The following MAGEC3 variants were observed in gnomAD, a reference collection of about 807,000 sequenced individuals.
The protein encoded by MAGEC3 is MAGE family member C3, also known as melanoma-associated antigen C3.
A neutral mutation model predicts 35.3 loss-of-function variants in MAGEC3; 34 were observed. The ratio of observed to expected loss-of-function variants is 0.96; its 90% CI spans 0.73 to 1.28. The LOEUF (loss-of-function observed/expected upper bound fraction) is 1.28, where lower values mean the gene tolerates loss of function less well. Among genes scored for constraint, MAGEC3 ranks in the 50% most tolerant of loss-of-function variants. The pLI, the probability that MAGEC3 is intolerant of heterozygous loss-of-function variation, is 0.00. For synonymous variants in MAGEC3, 202 were observed against 185.6 expected, an observed-to-expected ratio of 1.09 and a Z score of -0.72; for missense variants, 561 against 483.6, an observed-to-expected ratio of 1.16 and a Z score of -1.50.
At chrX:141,843,310 C>G (rs145472194) in intron 1 of MAGEC3, among the ~76,000 whole-genome samples, 2,828 of 111,419 alleles carry the variant, frequency 0.025, 103 homozygotes, top group African/African-American at 0.087. Context: ...GTAAGGCCAT[C>G]AACCTGTGTT....
At chrX:141,860,522 C>T (rs2017808766) in intron 1 of MAGEC3, among the ~76,000 whole-genome samples, 1 of 111,303 alleles carries the variant, frequency 9.0e-6, no homozygotes, top group Non-Finnish European at 1.9e-5. Flanking sequence ...ACATTATTTC[C>T]CAAAGCAAAA....
At chrX:141,861,947 C>A (rs2047488429) in intron 1 of MAGEC3, among the ~76,000 whole-genome samples, 1 of 111,538 alleles carries the variant, frequency 9.0e-6, no homozygotes, top group African/African-American at 3.3e-5. Context: ...CTATATTACA[C>A]TAAAAAGTTT....
At chrX:141,896,625 T>C (rs1355377498) in intron 6 of MAGEC3, 1 of 1,199,018 alleles carries the variant, frequency 8.3e-7, no homozygotes, top group Non-Finnish European at 1.1e-6. Flanking sequence ...CTCACACGTT[T>C]ACCTGCTGCT....
chrX:141,864,316 CAAAA>C (rs3972654), intron 1 of MAGEC3, among the ~76,000 whole-genome samples: 17 of 32,296 alleles, frequency 5.3e-4, no homozygotes, highest in African/African-American at 1.3e-3. Flanking sequence ...CTCATCTCTA[CAAAA>C]AAAAAAAAAA....
intron 4 of MAGEC3, among the ~76,000 whole-genome samples, chrX:141,887,660 C>T (rs181313877): frequency 2.0e-3 from 229 of 112,095 alleles, no homozygotes; most frequent in African/African-American, 7.0e-3. Flanking sequence ...GAGTGAGGTT[C>T]AGAAGAGGAG....
intron 2 of MAGEC3, among the ~76,000 whole-genome samples, chrX:141,866,144 T>G (rs956110169): frequency 2.7e-5 from 3 of 111,718 alleles, no homozygotes; most frequent in African/African-American, 9.8e-5. Flanking sequence ...AAGAAAAGAT[T>G]TTTAAAATTG....
chrX:141,872,260 A>T (rs2017893119), intron 2 of MAGEC3, among the ~76,000 whole-genome samples: 1 of 111,317 alleles, frequency 9.0e-6, no homozygotes, highest in Non-Finnish European at 1.9e-5. Context: ...GCCATTTTAC[A>T]GTAGAAAATT....
At chrX:141,892,462 A>T in intron 4 of MAGEC3, among the ~76,000 whole-genome samples, 1 of 111,767 alleles carries the variant, frequency 8.9e-6, no homozygotes, top group East Asian at 2.8e-4. Flanking sequence ...ATGCATTTTA[A>T]TGAGGAAACT....
rs199749115 is a variant in MAGEC3, at chrX:141,896,813, C to T, written c.1124-69C>T. 1.6e-5 allele frequency: 19 copies of T among 1,204,090 alleles called. No individual in the cohort carries two copies. The Admixed American group carries it at 3.5e-4, about 22-fold the overall frequency. On this transcript the variant is annotated intron_variant, in intron 6 of 7. Coordinates refer to ENST00000298296, the MANE Select transcript of MAGEC3 (RefSeq NM_138702.1). ...TCTTTCCACTTTTTATTCCCCTCCT[C>T]CTCTTCCTTGTCCTCATCCTCACCC...
chrX:141,880,950 T>C, intron 3 of MAGEC3: 1 of 622,947 alleles, frequency 1.6e-6, no homozygotes, highest in South Asian at 2.4e-5. Flanking sequence ...TGCTCACACA[T>C]TTACCTCCTG....
intron 1 of MAGEC3, among the ~76,000 whole-genome samples, 154 bp from the exon 2 acceptor site, chrX:141,865,312 ATTTTC>A (rs1419095036): frequency 1.1e-3 from 121 of 110,690 alleles, no homozygotes; most frequent in African/African-American, 3.8e-3. Flanking sequence ...TTTACCTTAT[ATTTTC>A]TTATAAAATT....
At chrX:141,879,560 A>G in intron 3 of MAGEC3, 129 bp downstream of exon 3, 1 of 775,045 alleles carries the variant, frequency 1.3e-6, no homozygotes, top group East Asian at 3.6e-5. Flanking sequence ...GGCCCAGGAG[A>G]TGGGCAGGAA....
intron 4 of MAGEC3, among the ~76,000 whole-genome samples, chrX:141,892,989 C>T (rs2018054132): frequency 8.9e-6 from 1 of 111,930 alleles, no homozygotes; most frequent in African/African-American, 3.3e-5. Flanking sequence ...ACGCTGAAAA[C>T]CCAATCATAA....
chrX:141,894,811 A>G, intron 4 of MAGEC3: 1 of 951,703 alleles, frequency 1.1e-6, no homozygotes, highest in Non-Finnish European at 1.3e-6. Context: ...GTGAAAACGG[A>G]GAGGTGGGCA....
chrX:141,874,836 A>G (rs1211794182), intron 2 of MAGEC3, among the ~76,000 whole-genome samples: 2 of 108,696 alleles, frequency 1.8e-5, no homozygotes, highest in Non-Finnish European at 3.8e-5. Flanking sequence ...AAAAAAGTAG[A>G]TAAAGAAAAC....
chrX:141,872,584 G>T (rs2124107886), intron 2 of MAGEC3, among the ~76,000 whole-genome samples: 1 of 111,566 alleles, frequency 9.0e-6, no homozygotes, highest in South Asian at 3.9e-4. Context: ...AAAGCCAGGA[G>T]AAGGCAAATT....
intron 2 of MAGEC3, among the ~76,000 whole-genome samples, chrX:141,869,627 A>G (rs1460949405): frequency 1.8e-5 from 2 of 112,135 alleles, no homozygotes; most frequent in Non-Finnish European, 3.8e-5. Context: ...TTGTTGTGAG[A>G]AACCTCCATT....
At chrX:141,839,415 A>G (rs2017672982) in intron 1 of MAGEC3, 1 of 733,029 alleles carries the variant, frequency 1.4e-6, no homozygotes, top group African/African-American at 2.3e-5. Context: ...TATGGGCATA[A>G]GAAGGATTAT....
intron 1 of MAGEC3, among the ~76,000 whole-genome samples, chrX:141,840,722 A>G (rs1278070287): frequency 9.1e-6 from 1 of 110,332 alleles, no homozygotes; most frequent in Non-Finnish European, 1.9e-5. Context: ...TAGCATTAGC[A>G]TGAGTCCTCC....
Sources: gnomAD v4.1 joint callset for allele counts (sites outside exome capture counted in the v4.1 genomes callset) on GRCh38, gnomAD v4.1.1 for gene constraint, MANE v1.5 for transcripts, NCBI Gene and HGNC (gene_info 2026-07-23, HGNC 2026-07-21) for gene names.